GRB14: variants seen among roughly 807,000 people sequenced by gnomAD.
GRB14 encodes the protein growth factor receptor bound protein 14.
GRB14 carries 38 observed loss-of-function variants against 69.1 expected under a neutral mutation model. The ratio of observed to expected loss-of-function variants is 0.55; its 90% CI spans 0.42 to 0.72. The LOEUF (loss-of-function observed/expected upper bound fraction) is 0.72. GRB14 is among the 30% of genes least tolerant of loss of function. The pLI is 0.00. For synonymous variants in GRB14, 247 were observed against 241.3 expected, an observed-to-expected ratio of 1.02 and a Z score of -0.22; for missense variants, 666 against 666.1, an observed-to-expected ratio of 1.00 and a Z score of 0.00.
intron 2 of GRB14, among the ~76,000 whole-genome samples, chr2:164,566,733 T>C (rs1688984984): frequency 6.6e-6 from 1 of 152,042 alleles, no homozygotes; most frequent in African/African-American, 2.4e-5. Flanking sequence ...TCTAAAATAA[T>C]AAAAATAATT....
At position 164,507,498 on chromosome 2, in the gene GRB14, A is replaced by G. The variant is rs138532854; in HGVS notation, c.1023+957T>C. Among the ~76,000 whole-genome samples, 445 of 152,308 alleles carry G rather than the reference A, an allele frequency of 2.9e-3. 5 individuals are homozygous for G. The highest frequency in any genetic ancestry group is 8.1e-3 in the African/African-American group (335 of 41,580). On this transcript the variant is annotated intron_variant, in intron 8 of 13. Coordinates refer to ENST00000263915, the MANE Select transcript of GRB14 (RefSeq NM_004490.3). ...TATATATATCTAATACACATATAAT[A>G]TGCATAATCAATATATTGGCAAATT...
chr2:164,619,853 A>G (rs781270235), intron 1 of GRB14, 34 bp from the exon 2 acceptor site: 2 of 1,551,190 alleles, frequency 1.3e-6, no homozygotes. Context: ...TAATTTACAT[A>G]AAACAGAATG....
rs149085648 is a variant in GRB14, at chr2:164,572,462, G to T, written c.325-24646C>A. Among the ~76,000 whole-genome samples, 55 of 152,208 alleles carry T rather than the reference G, an allele frequency of 3.6e-4. No individual in the cohort carries two copies. In the South Asian group the frequency reaches 0.011, roughly 31 times the overall value. On this transcript the variant is annotated intron_variant, in intron 2 of 13. Coordinates refer to ENST00000263915, the MANE Select transcript of GRB14 (RefSeq NM_004490.3). Reference sequence around the variant, plus strand: ...AAGGATCTCTCCTTTTTATATACAAGTTATGTCAGAATTGAGAGGTGGGGA... The same window carrying T: ...AAGGATCTCTCCTTTTTATATACAATTTATGTCAGAATTGAGAGGTGGGGA...
At chr2:164,543,631 C>A (rs1296794851) in intron 3 of GRB14, among the ~76,000 whole-genome samples, 1 of 152,156 alleles carries the variant, frequency 6.6e-6, no homozygotes, top group Admixed American at 6.5e-5. Flanking sequence ...GTAGCACTCA[C>A]AGAAGACTTG....
chr2:164,613,328 A>T (rs567313549), intron 2 of GRB14, among the ~76,000 whole-genome samples: 1 of 152,138 alleles, frequency 6.6e-6, no homozygotes, highest in South Asian at 2.1e-4. Context: ...TCCATATGCC[A>T]TACCTACTAA....
rs543798563 is a variant in GRB14, at chr2:164,590,363, G to GA, written c.324+29323dup. On this transcript the variant is annotated intron_variant, in intron 2 of 13. Coordinates refer to ENST00000263915, the MANE Select transcript of GRB14 (RefSeq NM_004490.3). Reference sequence around the variant, plus strand: ...TGCTTAAAAGATAGTTATAAATAATGAAAAAAAAGTTAGTTGTCTCAAAAT... The same window carrying GA: ...TGCTTAAAAGATAGTTATAAATAATGAAAAAAAAAGTTAGTTGTCTCAAAAT... 2.4e-3 allele frequency among the ~76,000 whole-genome samples: 359 copies of GA among 151,690 alleles called. 2 individuals carry two copies. Among genetic ancestry groups the GA allele is most frequent in the African/African-American group, 6.9e-3 (286 of 41,368 alleles).
intron 2 of GRB14, among the ~76,000 whole-genome samples, chr2:164,601,053 G>A (rs1398705727): frequency 6.6e-6 from 1 of 151,976 alleles, no homozygotes; most frequent in Middle Eastern, 3.2e-3. Context: ...CTAGGCCACA[G>A]GGCAGAATTT....
chr2:164,520,023 T>C (rs780649335), intron 6 of GRB14, among the ~76,000 whole-genome samples: 4 of 151,854 alleles, frequency 2.6e-5, no homozygotes, highest in Non-Finnish European at 5.9e-5. Flanking sequence ...TCCTAAAATT[T>C]GTATGGAACC....
At chr2:164,619,857 CAG>C in intron 1 of GRB14, 38 bp from the exon 2 acceptor site, 1 of 1,541,850 alleles carries the variant, frequency 6.5e-7, no homozygotes, top group East Asian at 2.2e-5. Flanking sequence ...TTACATAAAA[CAG>C]AATGTAAAAT....
intron 2 of GRB14, among the ~76,000 whole-genome samples, chr2:164,585,232 AC>A (rs1168466928): frequency 6.7e-5 from 10 of 149,802 alleles, no homozygotes; most frequent in African/African-American, 2.0e-4. Context: ...ACAGGTGTGA[AC>A]CATTGCACCT....
chr2:164,582,793 T>C (rs1689447707), intron 2 of GRB14, among the ~76,000 whole-genome samples: 1 of 152,206 alleles, frequency 6.6e-6, no homozygotes, highest in Non-Finnish European at 1.5e-5. Context: ...ATATCTTCCC[T>C]GGTCTCCACA....
At chr2:164,603,489 C>G (rs1689971433) in intron 2 of GRB14, among the ~76,000 whole-genome samples, 1 of 151,854 alleles carries the variant, frequency 6.6e-6, no homozygotes, top group Non-Finnish European at 1.5e-5. Context: ...CATAGTGAAA[C>G]CCCGTCTCTG....
At chr2:164,594,869 C>CT (rs1411627885) in intron 2 of GRB14, among the ~76,000 whole-genome samples, 1 of 152,116 alleles carries the variant, frequency 6.6e-6, no homozygotes, top group Non-Finnish European at 1.5e-5. Flanking sequence ...AAGTGTATCC[C>CT]TGTAGTTCTT....
intron 2 of GRB14, among the ~76,000 whole-genome samples, chr2:164,575,665 G>A (rs926287003): frequency 6.6e-6 from 1 of 152,030 alleles, no homozygotes; most frequent in Admixed American, 6.6e-5. Flanking sequence ...TAATGCTAAG[G>A]TCAGCTGGTA....
intron 2 of GRB14, among the ~76,000 whole-genome samples, chr2:164,614,839 A>C (rs917736484): frequency 6.6e-6 from 1 of 152,176 alleles, no homozygotes; most frequent in Non-Finnish European, 1.5e-5. Context: ...AAAGTGGGGT[A>C]ATTACTGGCA....
At chr2:164,549,822 C>A (rs952576134) in intron 2 of GRB14, among the ~76,000 whole-genome samples, 2 of 150,078 alleles carry the variant, frequency 1.3e-5, no homozygotes, top group Non-Finnish European at 3.0e-5. Flanking sequence ...CAGGATCGTG[C>A]CACTGCACTC....
At chr2:164,605,964 G>T (rs1690030903) in intron 2 of GRB14, among the ~76,000 whole-genome samples, 1 of 152,138 alleles carries the variant, frequency 6.6e-6, no homozygotes, top group Non-Finnish European at 1.5e-5. Context: ...ACATGCAAAA[G>T]AAAGTAATTG....
chr2:164,523,880 A>G (rs1687700042), intron 5 of GRB14, among the ~76,000 whole-genome samples: 1 of 152,080 alleles, frequency 6.6e-6, no homozygotes, highest in South Asian at 2.1e-4. Flanking sequence ...AAGGAGGCGG[A>G]ATAAAAACTC....
chr2:164,526,878 A>G, intron 4 of GRB14, 136 bp downstream of exon 4: 2 of 427,382 alleles, frequency 4.7e-6, no homozygotes, highest in Non-Finnish European at 8.1e-6. Context: ...AAATATGGGT[A>G]TAATTTCAAA....
Sources: allele counts gnomAD v4.1 joint callset (sites outside exome capture counted in the v4.1 genomes callset), GRCh38; gene constraint gnomAD v4.1.1; transcripts MANE v1.5; gene names NCBI Gene and HGNC (gene_info 2026-07-23, HGNC 2026-07-21).